Variants in RAD51B observed in about 807,000 individuals in gnomAD.
RAD51B encodes DNA repair protein RAD51 homolog 2.
RAD51B carries 38 observed loss-of-function variants against 42.2 expected under a neutral mutation model. The observed-to-expected ratio is 0.90, with a 90% CI of 0.70 to 1.18. RAD51B has a LOEUF of 1.18. RAD51B is among the 50% of genes most tolerant of loss of function. The probability of loss-of-function intolerance (pLI) is 0.00; values close to 1 mark genes in which losing one functional copy is unlikely to be tolerated. For missense variants in RAD51B, 373 were observed against 400.7 expected (o/e 0.93, Z 0.59); for synonymous variants, 154 against 145.2 (o/e 1.06, Z -0.43).
intron 7 of RAD51B, among the ~76,000 whole-genome samples, chr14:67,993,606 T>G (rs2075333508): frequency 6.6e-6 from 1 of 152,216 alleles, no homozygotes; most frequent in African/African-American, 2.4e-5. Context: ...GATGGACACT[T>G]AGGGTGCTTC....
intron 7 of RAD51B, among the ~76,000 whole-genome samples, chr14:68,286,699 A>G (rs1174090006): frequency 1.3e-5 from 2 of 152,218 alleles, no homozygotes; most frequent in Non-Finnish European, 2.9e-5. Flanking sequence ...AATGTAGAGT[A>G]AGTTAGAATT....
At chr14:68,649,855 T>G (rs1164783584) in intron 10 of RAD51B, among the ~76,000 whole-genome samples, 1 of 152,260 alleles carries the variant, frequency 6.6e-6, no homozygotes, top group Non-Finnish European at 1.5e-5. Flanking sequence ...AGTCTGACCC[T>G]GAGCCTTTAT....
intron 8 of RAD51B, among the ~76,000 whole-genome samples, chr14:68,328,540 A>G (rs2082289156): frequency 6.6e-6 from 1 of 152,170 alleles, no homozygotes; most frequent in Non-Finnish European, 1.5e-5. Context: ...TGAATAGAAG[A>G]ACCCTGTGTT....
At chr14:68,114,779 T>C (rs1015107549) in intron 7 of RAD51B, among the ~76,000 whole-genome samples, 1 of 152,202 alleles carries the variant, frequency 6.6e-6, no homozygotes, top group Non-Finnish European at 1.5e-5. Context: ...GTAAGTATTA[T>C]TTATTGAGTG....
intron 10 of RAD51B, among the ~76,000 whole-genome samples, chr14:68,552,750 C>T (rs756855854): frequency 2.0e-5 from 3 of 152,176 alleles, no homozygotes; most frequent in African/African-American, 2.4e-5. Flanking sequence ...CCATTCTCCA[C>T]GCCTCAGTTC....
intron 7 of RAD51B, among the ~76,000 whole-genome samples, chr14:68,022,951 C>G (rs2075891038): frequency 6.6e-6 from 1 of 152,150 alleles, no homozygotes; most frequent in African/African-American, 2.4e-5. Context: ...TGGTCTCTAG[C>G]TCCATCCATG....
intron 7 of RAD51B, among the ~76,000 whole-genome samples, chr14:67,902,399 T>G (rs1357689493): frequency 6.6e-6 from 1 of 152,208 alleles, no homozygotes; most frequent in Non-Finnish European, 1.5e-5. Flanking sequence ...CAGCTAAATC[T>G]GATTTAGTGA....
intron 11 of RAD51B, among the ~76,000 whole-genome samples, chr14:68,669,397 G>A (rs540262328): frequency 6.6e-6 from 1 of 152,334 alleles, no homozygotes; most frequent in South Asian, 2.1e-4. Context: ...AGAGGCCTGA[G>A]GCTGCAGAAT....
At chr14:67,852,838 A>T (rs2041872840) in intron 4 of RAD51B, among the ~76,000 whole-genome samples, 2 of 152,354 alleles carry the variant, frequency 1.3e-5, no homozygotes, top group South Asian at 4.1e-4. Context: ...TGTAGTAGGC[A>T]GAATTTCTTA....
At chr14:67,857,233 A>C (rs1429201036) in intron 4 of RAD51B, among the ~76,000 whole-genome samples, 2 of 152,222 alleles carry the variant, frequency 1.3e-5, no homozygotes, top group Non-Finnish European at 2.9e-5. Flanking sequence ...GAAGAGATGA[A>C]AAAAATTTGT....
chr14:68,323,103 G>A (rs905871097), intron 8 of RAD51B, among the ~76,000 whole-genome samples: 1 of 152,124 alleles, frequency 6.6e-6, no homozygotes, highest in African/African-American at 2.4e-5. Flanking sequence ...TTTCCCCCAA[G>A]GAGAACACAG....
chr14:67,904,952 T>A (rs2043735477), intron 7 of RAD51B, among the ~76,000 whole-genome samples: 2 of 151,718 alleles, frequency 1.3e-5, no homozygotes, highest in African/African-American at 4.8e-5. Flanking sequence ...TTTTTTCAAT[T>A]GCTTTTGGAG....
intron 8 of RAD51B, among the ~76,000 whole-genome samples, chr14:68,311,002 G>C (rs202003539): frequency 6.6e-6 from 1 of 152,030 alleles, no homozygotes; most frequent in Non-Finnish European, 1.5e-5. Context: ...TCTCCAGAAC[G>C]TTTTTGTGAG....
chr14:68,624,111 A>G (rs898576215), intron 10 of RAD51B, among the ~76,000 whole-genome samples: 30 of 152,314 alleles, frequency 2.0e-4, no homozygotes. Flanking sequence ...CAGAGAACAC[A>G]TCTCATACTC....
intron 7 of RAD51B, among the ~76,000 whole-genome samples, chr14:67,967,306 C>A (rs762126136): frequency 6.6e-6 from 1 of 152,130 alleles, no homozygotes; most frequent in Non-Finnish European, 1.5e-5. Context: ...CCTCATTCAG[C>A]CTCTGGCCCC....
At chr14:68,115,783 A>C (rs2077537107) in intron 7 of RAD51B, among the ~76,000 whole-genome samples, 1 of 152,216 alleles carries the variant, frequency 6.6e-6, no homozygotes, top group South Asian at 2.1e-4. Context: ...AAAGTCTTCA[A>C]CAGCAGATGC....
At chr14:68,115,662 C>T (rs555675712) in intron 7 of RAD51B, among the ~76,000 whole-genome samples, 23 of 151,756 alleles carry the variant, frequency 1.5e-4, no homozygotes, top group African/African-American at 5.3e-4. Context: ...TGATTGCATT[C>T]TTTGATGAAG....
intron 7 of RAD51B, among the ~76,000 whole-genome samples, chr14:67,987,935 C>T (rs1432387001): frequency 6.6e-6 from 1 of 152,170 alleles, no homozygotes; most frequent in Non-Finnish European, 1.5e-5. Flanking sequence ...TTCTGTAATG[C>T]CGAGTGATTT....
chr14:68,014,974 G>T (rs1566579508), intron 7 of RAD51B, among the ~76,000 whole-genome samples: 1 of 152,116 alleles, frequency 6.6e-6, no homozygotes, highest in Non-Finnish European at 1.5e-5. Context: ...TTGAGAGGGG[G>T]TGTGGAGGCA....
Sources: allele counts gnomAD v4.1 joint callset (sites outside exome capture counted in the v4.1 genomes callset), GRCh38; gene constraint gnomAD v4.1.1; transcripts MANE v1.5; gene names NCBI Gene and HGNC (gene_info 2026-07-23, HGNC 2026-07-21).